The following NT5C1B variants were observed in gnomAD, a reference collection of about 807,000 sequenced individuals.
The protein encoded by NT5C1B is 5'-nucleotidase, cytosolic IB.
In NT5C1B, 44 loss-of-function variants were observed where a neutral mutation model predicts 57.8. The ratio of observed to expected loss-of-function variants is 0.76; its 90% CI spans 0.60 to 0.98. The LOEUF is 0.98. Ranked by LOEUF, NT5C1B falls within the 50% of genes least tolerant of loss-of-function variation. The probability of loss-of-function intolerance (pLI) is 0.00; values close to 1 mark genes in which losing one functional copy is unlikely to be tolerated. For missense variants in NT5C1B, 742 were observed against 719.5 expected (o/e 1.03, Z -0.36); for synonymous variants, 284 against 282.6 (o/e 1.00, Z -0.05).
At chr2:18,583,587 TATATAAGCAGATCAA>T in intron 5 of NT5C1B, 6 of 333,354 alleles carry the variant, frequency 1.8e-5, no homozygotes, top group South Asian at 1.5e-4. Context: ...GTGTAATATT[TATATAAGCAGATCAA>T]AGTTGTAAGT....
At chr2:18,585,239 G>T (rs2148174432) in intron 3 of NT5C1B, 2 of 738,614 alleles carry the variant, frequency 2.7e-6, no homozygotes, top group Admixed American at 1.7e-5. Context: ...GTTTGGAGTA[G>T]ATAGGACCCA....
chr2:18,578,387 C>T (rs1188962208), intron 6 of NT5C1B, among the ~76,000 whole-genome samples: 1 of 151,984 alleles, frequency 6.6e-6, no homozygotes, highest in Non-Finnish European at 1.5e-5. Context: ...CTACCAAACC[C>T]AATCCAGCAG....
intron 5 of NT5C1B, chr2:18,583,670 C>T (rs114828778): frequency 1.9e-5 from 7 of 364,414 alleles, no homozygotes; most frequent in African/African-American, 1.3e-4. Flanking sequence ...AGTCACACTC[C>T]TAAGTGCCAA....
chr2:18,583,679 A>C (rs1558385165), intron 5 of NT5C1B: 1 of 369,520 alleles, frequency 2.7e-6, no homozygotes, highest in East Asian at 7.2e-5. Flanking sequence ...CCTAAGTGCC[A>C]AGGGCATCTT....
At chr2:18,586,719 G>T in intron 2 of NT5C1B, 1 of 585,946 alleles carries the variant, frequency 1.7e-6, no homozygotes, top group Non-Finnish European at 2.9e-6. Flanking sequence ...TTCTTCCCTC[G>T]AGGATAAGCC....
At chr2:18,570,831 T>C (rs1284400430) in intron 8 of NT5C1B, among the ~76,000 whole-genome samples, 1 of 152,194 alleles carries the variant, frequency 6.6e-6, no homozygotes, top group Non-Finnish European at 1.5e-5. Context: ...ATGAAAAGGA[T>C]AATACCACAT....
chr2:18,576,088 A>G (rs1470165654), intron 8 of NT5C1B, 96 bp downstream of exon 8: 7 of 1,320,736 alleles, frequency 5.3e-6, no homozygotes, highest in African/African-American at 1.5e-5. Context: ...CCTGCCTAGA[A>G]TAACTTAAAC....
rs978780327 is a variant in NT5C1B, at chr2:18,584,332, G to T, written c.724-77C>A. 2 of 1,573,000 alleles carry T rather than the reference G, an allele frequency of 1.3e-6. No individual in the cohort carries two copies. Among genetic ancestry groups the T allele is most frequent in the Non-Finnish European group, 1.7e-6 (2 of 1,159,900 alleles). ...AGGGTTGGGGCTCCTCCAGGGTAGG[G>T]TGAGAGTAGGACAGCGGGCCCCTGC... On this transcript the variant is annotated intron_variant, in intron 4 of 8. Coordinates refer to ENST00000304081, the Ensembl canonical transcript of NT5C1B. This position sits in a 1 kb window ranked among gnomAD's most constrained non-coding sequence, Gnocchi z 5.8.
intron 8 of NT5C1B, among the ~76,000 whole-genome samples, chr2:18,569,002 ACT>A (rs1399186235): frequency 6.6e-6 from 1 of 152,316 alleles, no homozygotes; most frequent in East Asian, 1.9e-4. Flanking sequence ...TTCTAAATTA[ACT>A]GAGACCTGTT....
intron 8 of NT5C1B, among the ~76,000 whole-genome samples, chr2:18,565,894 C>A (rs1266637280): frequency 6.6e-6 from 1 of 152,014 alleles, no homozygotes; most frequent in Non-Finnish European, 1.5e-5. Flanking sequence ...TACCTGTTAT[C>A]TATTTCTGTC....
intron 6 of NT5C1B, among the ~76,000 whole-genome samples, chr2:18,580,541 G>A (rs775574145): frequency 3.9e-5 from 6 of 152,152 alleles, no homozygotes; most frequent in Non-Finnish European, 7.3e-5. Context: ...CTTGAACCTG[G>A]GAGGCAGAGG....
chr2:18,577,542 A>G (rs1665809544), intron 6 of NT5C1B, among the ~76,000 whole-genome samples: 2 of 152,044 alleles, frequency 1.3e-5, no homozygotes, highest in Admixed American at 1.3e-4. Context: ...GCAGAAATCA[A>G]GAAATTATTT....
At chr2:18,582,765 ATC>A in intron 6 of NT5C1B, 101 bp downstream of exon 6, 1 of 1,494,534 alleles carries the variant, frequency 6.7e-7, no homozygotes, top group Non-Finnish European at 9.0e-7. Context: ...GGGTGTCAGT[ATC>A]AAAGACACTG....
At chr2:18,585,117 A>T in intron 3 of NT5C1B, 139 bp from the exon 4 acceptor site, 1 of 1,109,824 alleles carries the variant, frequency 9.0e-7, no homozygotes. Flanking sequence ...GGCTTAAGGG[A>T]CTCGGACATT....
chr2:18,576,840 C>A, exon 7 of NT5C1B: 1 of 1,613,878 alleles, frequency 6.2e-7, no homozygotes. Flanking sequence ...GATATGCCTT[C>A]AAATAGCCAA....
chr2:18,573,741 A>G (rs1252559889), intron 8 of NT5C1B, among the ~76,000 whole-genome samples: 1 of 152,160 alleles, frequency 6.6e-6, no homozygotes, highest in African/African-American at 2.4e-5. Flanking sequence ...TGTACCTCAT[A>G]CATTCTTTCT....
At chr2:18,566,961 G>T (rs925300686) in intron 8 of NT5C1B, among the ~76,000 whole-genome samples, 1 of 152,182 alleles carries the variant, frequency 6.6e-6, no homozygotes, top group African/African-American at 2.4e-5. Context: ...GAGTGTTGAA[G>T]AAAGTTATAC....
intron 8 of NT5C1B, among the ~76,000 whole-genome samples, chr2:18,571,558 A>G (rs1665154779): frequency 6.6e-6 from 1 of 151,582 alleles, no homozygotes; most frequent in South Asian, 2.1e-4. Flanking sequence ...AGAAAGACTT[A>G]ATATTGTTAA....
chr2:18,584,197 A>C lies in NT5C1B; in HGVS notation c.782T>G (p.Val261Gly), dbSNP rs1666451877. The C allele has an allele frequency of 1.2e-6, 2 of 1,614,042 alleles. No individual in the cohort carries two copies. Among genetic ancestry groups the C allele is most frequent in the African/African-American group, 2.7e-5 (2 of 74,906 alleles). The change falls in exon 5 of 9, where the codon GTG becomes GGG. Residue 261 changes from valine to glycine, a missense_variant. Transcript: ENST00000304081. This position sits in a 1 kb window ranked among gnomAD's most constrained non-coding sequence, Gnocchi z 5.8. ...TTGCTCGTAGATTTTCCTGCCGTCCACCATGTTGAAGAGCGCGCAGGATGA... is the reference window on the plus strand; with the variant it reads ...TTGCTCGTAGATTTTCCTGCCGTCCCCCATGTTGAAGAGCGCGCAGGATGA...
Sources: allele counts gnomAD v4.1 joint callset (sites outside exome capture counted in the v4.1 genomes callset), GRCh38; gene constraint gnomAD v4.1.1; non-coding constraint Gnocchi (gnomAD v3.1); transcripts MANE v1.5; gene names NCBI Gene and HGNC (gene_info 2026-07-23, HGNC 2026-07-21).